The following ZBTB20 variants were observed in gnomAD, a reference collection of about 807,000 sequenced individuals.
ZBTB20 encodes zinc finger and BTB domain containing 20.
Under a neutral mutation model 56.9 loss-of-function variants are expected in ZBTB20, and 9 were observed. That is an observed-to-expected ratio of 0.16 (90% confidence interval 0.10 to 0.28). The LOEUF (loss-of-function observed/expected upper bound fraction) is 0.28, where lower values mean the gene tolerates loss of function less well. Ranked by LOEUF, ZBTB20 falls within the 10% of genes least tolerant of loss-of-function variation. The pLI, the probability that ZBTB20 is intolerant of heterozygous loss-of-function variation, is 1.00. For synonymous variants in ZBTB20, 417 were observed against 420.7 expected (o/e 0.99, Z 0.11); for missense variants, 655 against 1,003.0 (o/e 0.65, Z 4.69).
chr3:115,041,955 T>C (rs1246175928), intron 2 of ZBTB20, among the ~76,000 whole-genome samples: 1 of 150,726 alleles, frequency 6.6e-6, no homozygotes, highest in Non-Finnish European at 1.5e-5. Flanking sequence ...TTTTAAAGAG[T>C]TTATTCTAAC....
chr3:114,625,512 T>C (rs2058607824), intron 6 of ZBTB20, among the ~76,000 whole-genome samples: 1 of 152,170 alleles, frequency 6.6e-6, no homozygotes, highest in Non-Finnish European at 1.5e-5. Flanking sequence ...TAAAATAATA[T>C]GAGTCTGATA....
At chr3:114,461,860 T>C (rs1335982844) in intron 7 of ZBTB20, among the ~76,000 whole-genome samples, 5 of 152,174 alleles carry the variant, frequency 3.3e-5, no homozygotes, top group Non-Finnish European at 7.3e-5. Context: ...CTGAGAACAA[T>C]TGTCATAGGA....
At chr3:114,586,070 G>A (rs983272962) in intron 6 of ZBTB20, among the ~76,000 whole-genome samples, 3 of 152,166 alleles carry the variant, frequency 2.0e-5, no homozygotes, top group Non-Finnish European at 4.4e-5. Context: ...GTTTTTATCT[G>A]TTTACCATTC....
chr3:114,792,267 A>G (rs2071017068), intron 5 of ZBTB20: 3 of 152,176 alleles, frequency 2.0e-5, no homozygotes. Flanking sequence ...TGAGGAGACC[A>G]AACAATTCAA....
intron 7 of ZBTB20, among the ~76,000 whole-genome samples, chr3:114,430,602 C>T (rs2090047333): frequency 6.6e-6 from 1 of 152,088 alleles, no homozygotes; most frequent in African/African-American, 2.4e-5. Context: ...ACATTTGGAT[C>T]CACCATAGAA....
chr3:114,766,153 G>C (rs1216909571), intron 5 of ZBTB20, among the ~76,000 whole-genome samples: 2 of 152,038 alleles, frequency 1.3e-5, no homozygotes, highest in Non-Finnish European at 2.9e-5. Flanking sequence ...AAGTTAAAGA[G>C]AATTCTAAGT....
chr3:114,456,600 T>A (rs532641131), intron 7 of ZBTB20, among the ~76,000 whole-genome samples: 1 of 152,312 alleles, frequency 6.6e-6, no homozygotes, highest in South Asian at 2.1e-4. Context: ...TATATTTCAA[T>A]TGAAAATGAG....
chr3:114,773,986 A>C (rs1008073829), intron 5 of ZBTB20, among the ~76,000 whole-genome samples: 1 of 152,202 alleles, frequency 6.6e-6, no homozygotes, highest in East Asian at 1.9e-4. Context: ...AACTGAACAA[A>C]GGAATATTGG....
chr3:114,641,939 C>T (rs2059584596), intron 6 of ZBTB20, among the ~76,000 whole-genome samples: 2 of 151,856 alleles, frequency 1.3e-5, no homozygotes, highest in Admixed American at 1.3e-4. Context: ...CATAAATTTT[C>T]CCTCCAAATT....
At chr3:114,981,753 G>A (rs1331450339) in intron 2 of ZBTB20, among the ~76,000 whole-genome samples, 4 of 151,962 alleles carry the variant, frequency 2.6e-5, no homozygotes, top group East Asian at 1.9e-4. Context: ...TTTACTGAGC[G>A]GCAGAACCAG....
chr3:114,589,380 C>G (rs562907604), intron 6 of ZBTB20, among the ~76,000 whole-genome samples: 1 of 152,062 alleles, frequency 6.6e-6, no homozygotes, highest in East Asian at 1.9e-4. Context: ...TCTGACAAGC[C>G]GGGGAGAAAT....
intron 1 of ZBTB20, among the ~76,000 whole-genome samples, chr3:115,113,088 G>A (rs1174563485): frequency 6.6e-6 from 1 of 152,006 alleles, no homozygotes; most frequent in Non-Finnish European, 1.5e-5. Flanking sequence ...CCATTTGTAC[G>A]TCTTCTTTTG....
chr3:114,414,123 G>C (rs1247135463), intron 7 of ZBTB20, among the ~76,000 whole-genome samples: 1 of 152,042 alleles, frequency 6.6e-6, no homozygotes, highest in African/African-American at 2.4e-5. Flanking sequence ...ATCACGAGGA[G>C]GTAAAAGGCA....
intron 5 of ZBTB20, among the ~76,000 whole-genome samples, chr3:114,789,960 CATTT>C (rs2070815885): frequency 6.6e-6 from 1 of 151,992 alleles, no homozygotes; most frequent in South Asian, 2.1e-4. Context: ...TCTAAGTAAA[CATTT>C]ATCTTATACA....
chr3:114,624,427 ACAC>A (rs2058530410), intron 6 of ZBTB20, among the ~76,000 whole-genome samples: 1 of 151,986 alleles, frequency 6.6e-6, no homozygotes, highest in Non-Finnish European at 1.5e-5. Context: ...GGAAAACTTT[ACAC>A]CACACCAGAA....
At chr3:114,537,949 A>G (rs1197791851) in intron 6 of ZBTB20, among the ~76,000 whole-genome samples, 1 of 152,024 alleles carries the variant, frequency 6.6e-6, no homozygotes, top group African/African-American at 2.4e-5. Context: ...ACATGGACAT[A>G]GGGAGGGGAA....
chr3:114,808,735 T>G (rs776409826), intron 4 of ZBTB20, among the ~76,000 whole-genome samples: 2 of 152,094 alleles, frequency 1.3e-5, no homozygotes. Flanking sequence ...TTTAGTTTTA[T>G]GTTTATATCA....
At chr3:114,503,195 A>T (rs1369977681) in intron 6 of ZBTB20, among the ~76,000 whole-genome samples, 1 of 152,202 alleles carries the variant, frequency 6.6e-6, no homozygotes, top group African/African-American at 2.4e-5. Context: ...GCTGTCAATG[A>T]TAGGAATCCA....
intron 2 of ZBTB20, among the ~76,000 whole-genome samples, chr3:115,003,397 A>G (rs917163783): frequency 4.0e-5 from 6 of 151,462 alleles, no homozygotes; most frequent in Admixed American, 4.0e-4. Context: ...CAGGAACTCT[A>G]CTTTCTCCCC....
Sources: gnomAD v4.1 joint callset for allele counts (sites outside exome capture counted in the v4.1 genomes callset) on GRCh38, gnomAD v4.1.1 for gene constraint, MANE v1.5 for transcripts, NCBI Gene and HGNC (gene_info 2026-07-23, HGNC 2026-07-21) for gene names.